PRAG1: variants seen among roughly 807,000 people sequenced by gnomAD.
PRAG1 encodes the protein inactive tyrosine-protein kinase PRAG1.
In PRAG1, 110 loss-of-function variants were observed where a neutral mutation model predicts 95.6. That is an observed-to-expected ratio of 1.15 (90% CI 0.99 to 1.35). PRAG1 has a LOEUF of 1.35. Ranked by LOEUF, PRAG1 falls within the 40% of genes most tolerant of loss-of-function variation. The pLI is 0.00. For missense variants in PRAG1, 2,554 were observed against 1,864.7 expected, an observed-to-expected ratio of 1.37 and a Z score of -6.81; for synonymous variants, 1,052 against 819.4, an observed-to-expected ratio of 1.28 and a Z score of -4.85.
intron 3 of PRAG1, among the ~76,000 whole-genome samples, chr8:8,358,595 G>GA (rs1799753052): frequency 3.3e-5 from 5 of 152,160 alleles, no homozygotes. Flanking sequence ...ATTTCTGTTG[G>GA]AAAGGAATGC....
At chr8:8,354,889 C>T (rs1232267078) in intron 3 of PRAG1, among the ~76,000 whole-genome samples, 1 of 152,050 alleles carries the variant, frequency 6.6e-6, no homozygotes, top group African/African-American at 2.4e-5. Context: ...ACTTCTGCCA[C>T]TTCATATTCA....
intron 3 of PRAG1, among the ~76,000 whole-genome samples, chr8:8,352,631 C>T (rs1289394937): frequency 6.6e-6 from 1 of 152,190 alleles, no homozygotes; most frequent in African/African-American, 2.4e-5. Context: ...TGACCATATG[C>T]CTAATTAATG....
chr8:8,351,639 A>G (rs984976884), intron 3 of PRAG1, among the ~76,000 whole-genome samples: 1 of 152,244 alleles, frequency 6.6e-6, no homozygotes, highest in Non-Finnish European at 1.5e-5. Flanking sequence ...GTGTTCAAGA[A>G]CTAGATAATT....
chr8:8,376,770 T>C lies in PRAG1; in HGVS notation c.1639A>G (p.Lys547Glu), dbSNP rs757308421. 7 of 1,610,440 alleles carry C rather than the reference T, an allele frequency of 4.3e-6. No homozygotes were observed. The highest frequency in any genetic ancestry group is 1.3e-5 in the African/African-American group (1 of 74,874). ...CCTACAGGGCTACTCTTGGACAACT[T>C]GGGGGGAATGGCGGGCCTCTCCTTG... is the stretch of plus-strand genomic sequence containing the variant. Reference protein sequence around the residue: ...KPKERPAIPPKLSKSSPVGSP... With the variant: ...KPKERPAIPPELSKSSPVGSP... Residue 547 changes from lysine to glutamate, a missense_variant, in exon 3 of 6, where the codon AAG becomes GAG. Physicochemically the swap from Lys to Glu is moderately conservative, Grantham distance 56 (BLOSUM62 1). Coordinates refer to ENST00000615670, the MANE Select transcript of PRAG1 (RefSeq NM_001080826.3).
chr8:8,351,298 G>C (rs1440819259), intron 3 of PRAG1, among the ~76,000 whole-genome samples: 1 of 152,060 alleles, frequency 6.6e-6, no homozygotes, highest in African/African-American at 2.4e-5. Context: ...CCTATCATGA[G>C]AACAGCACCA....
chr8:8,384,890 A>G (rs1420412408), intron 1 of PRAG1, among the ~76,000 whole-genome samples: 1 of 152,186 alleles, frequency 6.6e-6, no homozygotes, highest in South Asian at 2.1e-4. Context: ...AGAGCTCAGC[A>G]TTCTTTCTGA....
intron 5 of PRAG1, among the ~76,000 whole-genome samples, chr8:8,324,440 G>A (rs569370711): frequency 6.6e-6 from 1 of 152,324 alleles, no homozygotes; most frequent in South Asian, 2.1e-4. Flanking sequence ...AACGGAGAAG[G>A]CTGCGTTGGG....
intron 3 of PRAG1, among the ~76,000 whole-genome samples, chr8:8,352,658 G>T (rs1799559812): frequency 6.6e-6 from 1 of 152,086 alleles, no homozygotes; most frequent in Non-Finnish European, 1.5e-5. Flanking sequence ...TTTTACATTG[G>T]TCTGCATTAT....
chr8:8,370,877 T>A (rs1158627584), intron 3 of PRAG1, among the ~76,000 whole-genome samples: 1 of 152,112 alleles, frequency 6.6e-6, no homozygotes, highest in African/African-American at 2.4e-5. Context: ...GACCGGGGGC[T>A]GTAGCTCACA....
chr8:8,317,921 G>T lies in PRAG1; in HGVS notation c.*233C>A. ...ACTGGAAATGTGTATAATTACAGAA[G>T]AAAACAGGGAGGACTTAGTGCAGAG... On this transcript the variant is annotated 3_prime_UTR_variant, in exon 6 of 6. Coordinates refer to ENST00000615670, the MANE Select transcript of PRAG1 (RefSeq NM_001080826.3). 1 of 324,234 alleles carries T rather than the reference G, an allele frequency of 3.1e-6. No homozygotes were observed. Among genetic ancestry groups the T allele is most frequent in the Non-Finnish European group, 5.4e-6 (1 of 184,986 alleles). The allele number at this position is 324,234 out of a possible 1,614,324, so 20.1% of individuals were successfully genotyped here. A position where few individuals can be genotyped will look rare whatever the true frequency, so the allele number is the denominator to read the frequency against.
Position 8,381,594 on chromosome 8 carries a change from C to G in PRAG1, c.154G>C (p.Gly52Arg), listed in dbSNP as rs769273238. ...LVAGPPQPRA[G>R]SLPPPPRLPP... ...AGGCGCGGTGGAGGGGGCAGGCTGC[C>G]CGCTCTGGGCTGGGGAGGGCCGGCC... The change falls in exon 2 of 6, where the codon GGC (glycine) becomes CGC (arginine). Residue 52 changes from glycine (G) to arginine (R), a missense_variant. Transcript: ENST00000615670. 12 of 1,613,934 alleles carry G rather than the reference C, an allele frequency of 7.4e-6. No homozygotes were observed. In the Admixed American group the frequency reaches 8.3e-5, roughly 11 times the overall value.
At chr8:8,343,141 T>C (rs1799225676) in intron 3 of PRAG1, among the ~76,000 whole-genome samples, 1 of 152,082 alleles carries the variant, frequency 6.6e-6, no homozygotes, top group Non-Finnish European at 1.5e-5. Context: ...ACTCAACACA[T>C]GAAAAGATTA....
intron 3 of PRAG1, among the ~76,000 whole-genome samples, chr8:8,360,856 C>A (rs1364111671): frequency 6.6e-6 from 1 of 152,174 alleles, no homozygotes; most frequent in Non-Finnish European, 1.5e-5. Flanking sequence ...CATATTATCT[C>A]AGTGGGTGGC....
intron 2 of PRAG1, among the ~76,000 whole-genome samples, chr8:8,381,057 G>T (rs998048870): frequency 6.6e-6 from 1 of 151,950 alleles, no homozygotes; most frequent in Admixed American, 6.6e-5. Context: ...ATATTGAAGG[G>T]TATTGGGTGC....
intron 2 of PRAG1, among the ~76,000 whole-genome samples, chr8:8,379,891 TG>T (rs1296111475): frequency 6.6e-6 from 1 of 152,152 alleles, no homozygotes; most frequent in African/African-American, 2.4e-5. Flanking sequence ...GCTTCAAAAT[TG>T]GAAACAGGAG....
chr8:8,337,623 G>A (rs1271649986), intron 4 of PRAG1, among the ~76,000 whole-genome samples: 6 of 152,156 alleles, frequency 3.9e-5, no homozygotes, highest in Non-Finnish European at 8.8e-5. Context: ...CAGGGACAAG[G>A]TACATATCTT....
intron 5 of PRAG1, among the ~76,000 whole-genome samples, chr8:8,325,012 G>A (rs1258606378): frequency 1.3e-5 from 2 of 152,160 alleles, no homozygotes; most frequent in Non-Finnish European, 2.9e-5. Flanking sequence ...CTAGGACTCC[G>A]CGACCGCAAA....
At chr8:8,333,884 C>A (rs768471022) in intron 4 of PRAG1, among the ~76,000 whole-genome samples, 1 of 152,184 alleles carries the variant, frequency 6.6e-6, no homozygotes, top group Non-Finnish European at 1.5e-5. Context: ...GCCCTGGGGC[C>A]CTAGTGCAAT....
intron 3 of PRAG1, among the ~76,000 whole-genome samples, chr8:8,358,801 C>T (rs1270544182): frequency 6.6e-6 from 1 of 152,340 alleles, no homozygotes; most frequent in South Asian, 2.1e-4. Flanking sequence ...CTGGCTGGAG[C>T]TGGACCTCAC....
Sources: allele counts gnomAD v4.1 joint callset (sites outside exome capture counted in the v4.1 genomes callset), GRCh38; gene constraint gnomAD v4.1.1; transcripts MANE v1.5; gene names NCBI Gene and HGNC (gene_info 2026-07-23, HGNC 2026-07-21).